The following MMP21 variants were observed in gnomAD, a reference collection of about 807,000 sequenced individuals.
MMP21 encodes the protein matrix metallopeptidase 21.
MMP21 carries 40 observed loss-of-function variants against 47.8 expected under a neutral mutation model. The observed-to-expected ratio is 0.84, with a 90% CI of 0.65 to 1.09. The LOEUF is 1.09. Among genes scored for constraint, MMP21 ranks in the 50% least tolerant of loss-of-function variants. MMP21 has a pLI of 0.00. For missense variants in MMP21, 747 were observed against 775.3 expected, an observed-to-expected ratio of 0.96 and a Z score of 0.43; for synonymous variants, 341 against 318.0, an observed-to-expected ratio of 1.07 and a Z score of -0.77.
At chr10:125,767,311 T>C (rs1356537325) in intron 6 of MMP21, among the ~76,000 whole-genome samples, 2 of 152,178 alleles carry the variant, frequency 1.3e-5, no homozygotes, top group Non-Finnish European at 2.9e-5. Context: ...ATTTCTGTAT[T>C]TTTTGTTGAG....
At chr10:125,769,642 G>A (rs1052197027) in intron 5 of MMP21, among the ~76,000 whole-genome samples, 6 of 152,290 alleles carry the variant, frequency 3.9e-5, no homozygotes, top group South Asian at 4.1e-4. Context: ...TCCTGGGGGC[G>A]CCAGCACCCA....
chr10:125,773,770 A>AG lies in MMP21; in HGVS notation c.697+60dup. The AG allele has an allele frequency of 6.9e-7, 1 of 1,440,996 alleles. No homozygotes were observed. The highest frequency in any genetic ancestry group is 2.7e-5 in the East Asian group (1 of 36,896). 89.3% of individuals were successfully genotyped at this position (1,440,996 alleles called of 1,614,324 possible). ...TTCTGCAGGTGGCCGAGGTGGGGGT[A>AG]GGTGCGCCGGGGTCCCCGAGGGGCT... On this transcript the variant is annotated intron_variant, in intron 2 of 6. Coordinates refer to ENST00000368808, the MANE Select transcript of MMP21 (RefSeq NM_147191.1). The surrounding 1 kb of genome is among the most constrained non-coding windows in gnomAD (Gnocchi z 4.8).
chr10:125,768,569 C>T (rs1850411038), intron 5 of MMP21, among the ~76,000 whole-genome samples: 2 of 152,210 alleles, frequency 1.3e-5, no homozygotes, highest in African/African-American at 4.8e-5. Flanking sequence ...CGTTCCTTAG[C>T]AACCAAATAT....
At position 125,772,413 on chromosome 10, in the gene MMP21, T is replaced by C. The variant is rs28381294; in HGVS notation, c.838-54A>G. 6.3e-3 allele frequency: 10,068 copies of C among 1,608,730 alleles called. 721 individuals carry two copies. The East Asian group carries it at 0.17, about 27-fold the overall frequency. On this transcript the variant is annotated intron_variant, in intron 3 of 6. Coordinates refer to ENST00000368808, the MANE Select transcript of MMP21 (RefSeq NM_147191.1). This position sits in a 1 kb window ranked among gnomAD's most constrained non-coding sequence, Gnocchi z 5.6. ...GGGTGAAGCCTGGGCGATGGATCCC[T>C]GCATAACAGACGCAGGCCTGTGCTT...
Position 125,772,519 on chromosome 10 carries a change from C to A in MMP21, c.837+92G>T, listed in dbSNP as rs985992168. On this transcript the variant is annotated intron_variant, in intron 3 of 6. Coordinates refer to ENST00000368808, the MANE Select transcript of MMP21 (RefSeq NM_147191.1). The surrounding 1 kb of genome is among the most constrained non-coding windows in gnomAD (Gnocchi z 5.6). ...CACGGATTCACCTCCTCAGAGGTTGCGGACACTACATGAGAAAAGCTTGGA... is the reference window on the plus strand; with the variant it reads ...CACGGATTCACCTCCTCAGAGGTTGAGGACACTACATGAGAAAAGCTTGGA... The A allele has an allele frequency of 4.4e-6, 7 of 1,588,844 alleles. No individual in the cohort carries two copies. The African/African-American group carries it at 9.4e-5, about 21-fold the overall frequency.
chr10:125,774,060 A>G lies in MMP21; in HGVS notation c.468T>C (p.Gly156=). The change falls in exon 2 of 7, where the codon GGT becomes GGC. Residue 156 remains glycine, a synonymous_variant. Transcript: ENST00000368808. ...CGTCGGGGTAGCCCCGGGGCTGCCA[A>G]CCCCGCCGGGACAAGGACAGCGGCG... is the stretch of plus-strand genomic sequence containing the variant. The part of the protein sequence containing the change: ...PRAPLSLSRR[G]WQPRGYPDGG... 3 of 1,447,142 alleles carry G rather than the reference A, an allele frequency of 2.1e-6. No individual in the cohort carries two copies. The highest frequency in any genetic ancestry group is 2.7e-6 in the Non-Finnish European group (3 of 1,102,868). The allele number at this position is 1,447,142 out of a possible 1,614,324, so 89.6% of individuals were successfully genotyped here.
At chr10:125,767,421 A>T in intron 6 of MMP21, 111 bp downstream of exon 6, 2 of 1,078,324 alleles carry the variant, frequency 1.9e-6, no homozygotes, top group Non-Finnish European at 2.6e-6. Context: ...GATTACAGGC[A>T]TGCGCCACTG....
chr10:125,774,428 G>A, intron 1 of MMP21, 63 bp from the exon 2 acceptor site: 1 of 1,196,594 alleles, frequency 8.4e-7, no homozygotes, highest in Non-Finnish European at 1.1e-6. Context: ...GGGCTGCCCT[G>A]CCCCAAAGTC....
intron 4 of MMP21, among the ~76,000 whole-genome samples, chr10:125,770,892 C>T (rs1266895977): frequency 4.0e-5 from 6 of 151,548 alleles, no homozygotes; most frequent in Non-Finnish European, 7.4e-5. Flanking sequence ...CATGGTGGCA[C>T]GTGCCTGTGG....
At chr10:125,771,793 A>G (rs1452748708) in intron 4 of MMP21, among the ~76,000 whole-genome samples, 1 of 151,970 alleles carries the variant, frequency 6.6e-6, no homozygotes, top group African/African-American at 2.4e-5. Context: ...ATAATCAACC[A>G]CTAGAACGTT....
intron 5 of MMP21, among the ~76,000 whole-genome samples, chr10:125,769,292 G>A (rs551979855): frequency 6.6e-6 from 1 of 152,314 alleles, no homozygotes; most frequent in Admixed American, 6.5e-5. Flanking sequence ...CATCACATCA[G>A]TCTCTGTCTT....
In MMP21 at chr10:125,774,371, G is replaced by A; in HGVS notation, c.163-6C>T. 1 of 1,342,310 alleles carries A rather than the reference G, an allele frequency of 7.4e-7. No individual in the cohort carries two copies. Among genetic ancestry groups the A allele is most frequent in the Non-Finnish European group, 9.5e-7 (1 of 1,049,262 alleles). 83.1% of individuals were successfully genotyped at this position (1,342,310 alleles called of 1,614,324 possible). A position where few individuals can be genotyped will look rare whatever the true frequency, so the allele number is the denominator to read the frequency against. ...CCGTATCTGGACAGGAACCGCTGTG[G>A]GAGAGAAAGGCACCCTAATCTGGGC... On this transcript the variant is annotated splice_region_variant and splice_polypyrimidine_tract_variant and intron_variant, in intron 1 of 6. Transcript: ENST00000368808.
At chr10:125,771,115 A>T (rs898701324) in intron 4 of MMP21, among the ~76,000 whole-genome samples, 2 of 152,184 alleles carry the variant, frequency 1.3e-5, no homozygotes, top group African/African-American at 4.8e-5. Flanking sequence ...TCACAGGCAC[A>T]TCCTGGCTTC....
At chr10:125,768,069 T>G (rs1349796527) in intron 5 of MMP21, among the ~76,000 whole-genome samples, 1 of 152,234 alleles carries the variant, frequency 6.6e-6, no homozygotes, top group Non-Finnish European at 1.5e-5. Context: ...TAATGTTTTT[T>G]TCTTCTTCCT....
chr10:125,772,386 C>G lies in MMP21; in HGVS notation c.838-27G>C, dbSNP rs1394081399. The G allele has an allele frequency of 8.1e-6, 13 of 1,613,198 alleles. No individual in the cohort carries two copies. The highest frequency in any genetic ancestry group is 1.1e-5 in the Non-Finnish European group (13 of 1,179,638). On this transcript the variant is annotated intron_variant, in intron 3 of 6. Coordinates refer to ENST00000368808, the MANE Select transcript of MMP21 (RefSeq NM_147191.1). The surrounding 1 kb of genome is among the most constrained non-coding windows in gnomAD (Gnocchi z 5.6). ...TAGAAGGGGACACACACCATGGGTG[C>G]TGGGTGAAGCCTGGGCGATGGATCC... is the stretch of plus-strand genomic sequence containing the variant.
chr10:125,771,095 C>G (rs1377599638), intron 4 of MMP21, among the ~76,000 whole-genome samples: 8 of 152,240 alleles, frequency 5.3e-5, no homozygotes, highest in African/African-American at 1.9e-4. Context: ...CTGCCTGCTA[C>G]AGTCCTGGTT....
intron 5 of MMP21, among the ~76,000 whole-genome samples, chr10:125,768,504 CTA>C (rs1850410309): frequency 6.6e-6 from 1 of 152,210 alleles, no homozygotes; most frequent in South Asian, 2.1e-4. Flanking sequence ...ACAGAATAGA[CTA>C]GATCCACTTA....
rs535352042 is a variant in MMP21, at chr10:125,775,784, A to G, written c.38T>C (p.Leu13Pro). Residue 13 changes from leucine to proline, a missense_variant, in exon 1 of 7, where the codon CTC (leucine) becomes CCC (proline). Leu to Pro is a moderately conservative substitution (Grantham distance 98). Coordinates refer to ENST00000368808, the MANE Select transcript of MMP21 (RefSeq NM_147191.1). ...GGGCCAGGGAGCAGCCAGCCAGCAG[A>G]GCAGCAGTGTCGGACGGAAGATGGA... ...AASIFRPTLL[L>P]CWLAAPWPTQ... is the part of the protein sequence containing the mutation. 2 of 1,613,064 alleles carry G rather than the reference A, an allele frequency of 1.2e-6. No homozygotes were observed. The highest frequency in any genetic ancestry group is 2.7e-5 in the African/African-American group (2 of 75,014).
At position 125,772,081 on chromosome 10, in the gene MMP21, C is replaced by T; in HGVS notation, c.979+137G>A. ...ATGGCATCAGGGAGCTAGAGGGTGG[C>T]TACCCTTGGGTGACATGAGTTGTAC... On this transcript the variant is annotated intron_variant, in intron 4 of 6. Transcript: ENST00000368808. This position sits in a 1 kb window ranked among gnomAD's most constrained non-coding sequence, Gnocchi z 5.6. 9.4e-7 allele frequency: 1 copy of T among 1,060,202 alleles called. No homozygotes were observed. The highest frequency in any genetic ancestry group is 1.4e-6 in the Non-Finnish European group (1 of 728,038). The allele number at this position is 1,060,202 out of a possible 1,614,324, so 65.7% of individuals were successfully genotyped here. A position where few individuals can be genotyped will look rare whatever the true frequency, so the allele number is the denominator to read the frequency against.
Sources: gnomAD v4.1 joint callset for allele counts (sites outside exome capture counted in the v4.1 genomes callset) on GRCh38, gnomAD v4.1.1 for gene constraint, Gnocchi (gnomAD v3.1) non-coding constraint, MANE v1.5 for transcripts, NCBI Gene and HGNC (gene_info 2026-07-23, HGNC 2026-07-21) for gene names.